The following DGKI variants were observed in gnomAD, a reference collection of about 807,000 sequenced individuals.
DGKI encodes the protein DAG kinase iota.
Under a neutral mutation model 147.5 loss-of-function variants are expected in DGKI, and 55 were observed. The ratio of observed to expected loss-of-function variants is 0.37; its 90% CI spans 0.30 to 0.47. DGKI has a LOEUF of 0.47. Ranked by LOEUF, DGKI falls within the 20% of genes least tolerant of loss-of-function variation. The pLI is 1.00. For synonymous variants in DGKI, 469 were observed against 477.1 expected, an observed-to-expected ratio of 0.98 and a Z score of 0.22; for missense variants, 1,007 against 1,323.8, an observed-to-expected ratio of 0.76 and a Z score of 3.71.
At chr7:137,533,729 T>C (rs576973455) in intron 20 of DGKI, among the ~76,000 whole-genome samples, 2 of 152,052 alleles carry the variant, frequency 1.3e-5, no homozygotes. Flanking sequence ...CTTTATAATA[T>C]ATTATAAGAC....
intron 1 of DGKI, among the ~76,000 whole-genome samples, chr7:137,844,802 T>C (rs1334273977): frequency 6.6e-6 from 1 of 152,170 alleles, no homozygotes; most frequent in Non-Finnish European, 1.5e-5. Flanking sequence ...ATGATTTCCC[T>C]TGCAAACTCT....
At chr7:137,596,409 C>T (rs538615305) in intron 12 of DGKI, among the ~76,000 whole-genome samples, 1 of 152,178 alleles carries the variant, frequency 6.6e-6, no homozygotes, top group African/African-American at 2.4e-5. Flanking sequence ...TTAGGAAGAA[C>T]ACAGTATATC....
At chr7:137,656,661 C>A (rs999240830) in intron 3 of DGKI, 121 bp from the exon 4 acceptor site, 121 of 930,454 alleles carry the variant, frequency 1.3e-4, no homozygotes, top group Non-Finnish European at 1.8e-4. Flanking sequence ...GTAATTATTT[C>A]TATTACAAAG....
intron 1 of DGKI, among the ~76,000 whole-genome samples, chr7:137,760,979 A>G (rs1247287238): frequency 6.6e-6 from 1 of 152,066 alleles, no homozygotes; most frequent in East Asian, 1.9e-4. Flanking sequence ...CCTCTCTTGA[A>G]TCTTAAACCA....
At chr7:137,463,697 A>G (rs1409445223) in intron 26 of DGKI, 86 bp from the exon 27 acceptor site, 29 of 1,499,314 alleles carry the variant, frequency 1.9e-5, no homozygotes, top group African/African-American at 2.8e-5. Context: ...GAATCTTGCC[A>G]GTAAATGTGA....
chr7:137,417,260 T>C (rs1220332920), intron 28 of DGKI, among the ~76,000 whole-genome samples: 1 of 152,242 alleles, frequency 6.6e-6, no homozygotes, highest in African/African-American at 2.4e-5. Context: ...TTTTTAAGTA[T>C]ATGAATATTA....
rs185542338 is a variant in DGKI at position 137,555,376 on chromosome 7, A to G, written c.1948-2808T>C. The stretch of plus-strand genomic sequence containing the variant: ...CTCCATCTCTACAAAAAATTTAAAA[A>G]TCAGCTGAGGACGGTGGTGCATGCC... On this transcript the variant is annotated intron_variant, in intron 19 of 32. Coordinates refer to ENST00000614521, the MANE Select transcript of DGKI (RefSeq NM_001321708.2). 2.8e-3 allele frequency among the ~76,000 whole-genome samples: 423 copies of G among 152,036 alleles called. 2 individuals are homozygous for G. Among genetic ancestry groups the G allele is most frequent in the Non-Finnish European group, 3.9e-3 (265 of 67,964 alleles).
intron 6 of DGKI, among the ~76,000 whole-genome samples, chr7:137,641,177 T>C (rs916080088): frequency 1.1e-4 from 16 of 152,284 alleles, no homozygotes; most frequent in South Asian, 2.1e-4. Flanking sequence ...CCACATAAGA[T>C]GTGACTTGCT....
chr7:137,572,634 T>G, intron 18 of DGKI, 131 bp downstream of exon 18: 1 of 641,358 alleles, frequency 1.6e-6, no homozygotes, highest in Non-Finnish European at 2.7e-6. Context: ...TTATCAGACC[T>G]AGAAATCTTT....
At chr7:137,825,375 G>A (rs1455122508) in intron 1 of DGKI, among the ~76,000 whole-genome samples, 1 of 152,040 alleles carries the variant, frequency 6.6e-6, no homozygotes, top group African/African-American at 2.4e-5. Context: ...ATGGCAGACG[G>A]CATACATGTG....
chr7:137,616,853 T>C (rs1226916079), intron 8 of DGKI, among the ~76,000 whole-genome samples: 2 of 152,132 alleles, frequency 1.3e-5, no homozygotes, highest in Admixed American at 6.6e-5. Context: ...CATGTATTTG[T>C]TGGGATGAAG....
At chr7:137,760,241 G>A (rs1157351290) in intron 1 of DGKI, among the ~76,000 whole-genome samples, 2 of 152,142 alleles carry the variant, frequency 1.3e-5, no homozygotes, top group African/African-American at 2.4e-5. Context: ...GGGAAGAAAC[G>A]GCATTTTCCA....
intron 23 of DGKI, among the ~76,000 whole-genome samples, chr7:137,472,222 TATATACATATAA>T (rs1447111699): frequency 4.4e-5 from 5 of 113,024 alleles, no homozygotes; most frequent in Admixed American, 1.1e-4. Flanking sequence ...TATATATGTA[TATATACATATAA>T]TATATGTATA....
intron 27 of DGKI, among the ~76,000 whole-genome samples, chr7:137,447,263 G>A (rs1813752689): frequency 6.6e-6 from 1 of 152,044 alleles, no homozygotes; most frequent in Non-Finnish European, 1.5e-5. Context: ...TATTACTTGA[G>A]ACCCTATTAT....
At chr7:137,686,905 T>C (rs1823437230) in intron 2 of DGKI, among the ~76,000 whole-genome samples, 1 of 152,136 alleles carries the variant, frequency 6.6e-6, no homozygotes. Flanking sequence ...AAGTAGAAAC[T>C]TGGGGACTAA....
At chr7:137,629,683 C>T (rs1245483134) in intron 6 of DGKI, among the ~76,000 whole-genome samples, 1 of 152,162 alleles carries the variant, frequency 6.6e-6, no homozygotes, top group Non-Finnish European at 1.5e-5. Context: ...AGAGTGTAGC[C>T]TTCAGTTTTT....
intron 27 of DGKI, among the ~76,000 whole-genome samples, chr7:137,452,101 G>A (rs929060753): frequency 7.2e-5 from 11 of 152,120 alleles, no homozygotes; most frequent in Non-Finnish European, 1.5e-4. Context: ...TCTCTATTCC[G>A]TGTCCCCAAC....
intron 1 of DGKI, among the ~76,000 whole-genome samples, chr7:137,824,994 A>G (rs979362113): frequency 2.6e-5 from 4 of 152,174 alleles, no homozygotes; most frequent in African/African-American, 9.7e-5. Context: ...TGTCTTTGCT[A>G]TTGTGAACAG....
intron 27 of DGKI, among the ~76,000 whole-genome samples, chr7:137,461,498 CATA>C (rs1814440514): frequency 6.6e-6 from 1 of 152,072 alleles, no homozygotes; most frequent in Admixed American, 6.6e-5. Flanking sequence ...AATAAATGGA[CATA>C]ATAATTTTAA....
Sources: allele counts gnomAD v4.1 joint callset (sites outside exome capture counted in the v4.1 genomes callset), GRCh38; gene constraint gnomAD v4.1.1; transcripts MANE v1.5; gene names NCBI Gene and HGNC (gene_info 2026-07-23, HGNC 2026-07-21).